Variants in ZFHX3 observed in about 807,000 individuals in gnomAD.
The protein encoded by ZFHX3 is zinc finger homeobox protein 3.
A neutral mutation model predicts 279.1 loss-of-function variants in ZFHX3; 42 were observed. The ratio of observed to expected loss-of-function variants is 0.15; its 90% CI spans 0.12 to 0.19. The LOEUF (loss-of-function observed/expected upper bound fraction) is 0.19. ZFHX3 is among the 10% of genes least tolerant of loss of function. The pLI is 1.00. For missense variants in ZFHX3, 4,981 were observed against 4,754.0 expected (o/e 1.05, Z -1.40); for synonymous variants, 2,293 against 1,957.8 (o/e 1.17, Z -4.52).
intron 4 of ZFHX3, among the ~76,000 whole-genome samples, chr16:73,304,292 A>T (rs1380272099): frequency 6.6e-6 from 1 of 152,192 alleles, no homozygotes; most frequent in African/African-American, 2.4e-5. Flanking sequence ...CACAGGGGTC[A>T]TGGGAAAAGA....
At position 73,298,426 on chromosome 16, in the gene ZFHX3, C is replaced by T. The variant is rs569744895; in HGVS notation, c.-1194+19814G>A. ...CTCGAACTCCCGACCTCAGGTGCTC[C>T]GCCTACCTCAGCCTCCCAAAGTACT... On this transcript the variant is annotated intron_variant, in intron 4 of 17. Coordinates refer to the ZFHX3 transcript ENST00000641206. Among the ~76,000 whole-genome samples, 11 of 151,866 alleles carry T rather than the reference C, an allele frequency of 7.2e-5. No individual in the cohort carries two copies. The South Asian group carries it at 1.3e-3, about 17-fold the overall frequency.
At position 73,105,432 on chromosome 16, in the gene ZFHX3, T is replaced by C. The variant is rs58613336; in HGVS notation, c.-896-11834A>G. On this transcript the variant is annotated intron_variant, in intron 7 of 17. Coordinates refer to the ZFHX3 transcript ENST00000641206. Reference sequence around the variant, plus strand: ...ATACACACACACATATATATATATATACACACACACACATATATATATATA... The same window carrying C: ...ATACACACACACATATATATATATACACACACACACACATATATATATATA... Among the ~76,000 whole-genome samples the C allele has an allele frequency of 5.2e-4, 61 of 117,044 alleles. 2 individuals carry two copies. The highest frequency in any genetic ancestry group is 2.0e-3 in the African/African-American group (45 of 23,014). The allele number at this position is 117,044 out of a possible 152,430, so 76.8% of individuals were successfully genotyped here. A position where few individuals can be genotyped will look rare whatever the true frequency, so the allele number is the denominator to read the frequency against.
intron 1 of ZFHX3, among the ~76,000 whole-genome samples, chr16:73,750,494 A>G (rs1254273614): frequency 2.6e-5 from 4 of 151,958 alleles, no homozygotes; most frequent in African/African-American, 7.3e-5. Context: ...GATCTTAGTA[A>G]CAGATGTCAA....
At chr16:73,528,908 A>G (rs2019742810) in intron 2 of ZFHX3, among the ~76,000 whole-genome samples, 1 of 152,218 alleles carries the variant, frequency 6.6e-6, no homozygotes, top group Admixed American at 6.5e-5. Context: ...GATGCAGGAC[A>G]GGCATCTGGC....
chr16:73,602,730 A>T (rs1009122371), intron 2 of ZFHX3, among the ~76,000 whole-genome samples: 2 of 151,938 alleles, frequency 1.3e-5, no homozygotes, highest in African/African-American at 4.8e-5. Flanking sequence ...GCAGATCACG[A>T]GGTCAGGAGT....
chr16:73,486,245 C>T (rs965208780), intron 2 of ZFHX3, among the ~76,000 whole-genome samples: 1 of 152,210 alleles, frequency 6.6e-6, no homozygotes, highest in Non-Finnish European at 1.5e-5. Flanking sequence ...GACTTTGTAA[C>T]TTTACTTCAT....
rs528547878 is a variant in ZFHX3, at chr16:73,031,289, A to C, written c.-50+16463T>G. Among the ~76,000 whole-genome samples the C allele has an allele frequency of 2.1e-4, 32 of 152,358 alleles. No homozygotes were observed. In the South Asian group the frequency reaches 3.1e-3, roughly 15 times the overall value. ...AAAAAAGCCTGGCGGCGGGGGGGGA[A>C]GTAAACATTCACACTTCACCAAACC... On this transcript the variant is annotated intron_variant, in intron 1 of 9. Transcript: ENST00000268489.
intron 5 of ZFHX3, among the ~76,000 whole-genome samples, chr16:73,146,048 A>G (rs1351078218): frequency 6.6e-6 from 1 of 152,238 alleles, no homozygotes; most frequent in Non-Finnish European, 1.5e-5. Flanking sequence ...AAACGAGGTT[A>G]CAAAACTGGA....
chr16:73,476,376 G>A (rs148993113), intron 2 of ZFHX3, among the ~76,000 whole-genome samples: 143 of 152,240 alleles, frequency 9.4e-4, no homozygotes, highest in African/African-American at 3.2e-3. Flanking sequence ...ACTGCAGAAC[G>A]TGTAGGTTGA....
chr16:73,184,773 A>G (rs1313230158), intron 5 of ZFHX3, among the ~76,000 whole-genome samples: 1 of 152,216 alleles, frequency 6.6e-6, no homozygotes, highest in East Asian at 1.9e-4. Context: ...ATTTGGGAGA[A>G]AAAAAATGTC....
At chr16:73,871,521 T>C (rs1331690476) in intron 1 of ZFHX3, among the ~76,000 whole-genome samples, 1 of 151,822 alleles carries the variant, frequency 6.6e-6, no homozygotes. Flanking sequence ...AGAGTGTGTG[T>C]GCTTATGACT....
chr16:72,889,432 T>A (rs564550675), intron 4 of ZFHX3, among the ~76,000 whole-genome samples: 1 of 150,518 alleles, frequency 6.6e-6, no homozygotes, highest in South Asian at 2.1e-4. Flanking sequence ...GGGTAGTAGC[T>A]TGTGACTTCC....
At chr16:73,679,988 G>C (rs1485588006) in intron 2 of ZFHX3, 1 of 152,142 alleles carries the variant, frequency 6.6e-6, no homozygotes, top group Non-Finnish European at 1.5e-5. Flanking sequence ...ATGCCAGAAA[G>C]ATACATAGGC....
At chr16:73,495,592 G>A (rs974567751) in intron 2 of ZFHX3, among the ~76,000 whole-genome samples, 5 of 152,178 alleles carry the variant, frequency 3.3e-5, no homozygotes, top group African/African-American at 7.2e-5. Flanking sequence ...TTTGGCCCTT[G>A]AAAATGGCAG....
chr16:72,949,965 G>C (rs566063781), intron 3 of ZFHX3, among the ~76,000 whole-genome samples: 1 of 128,966 alleles, frequency 7.8e-6, no homozygotes, highest in South Asian at 2.3e-4. Flanking sequence ...CAAATGCCCA[G>C]AACAGTACCT....
chr16:73,518,898 A>C (rs2019567305), intron 2 of ZFHX3, among the ~76,000 whole-genome samples: 1 of 152,218 alleles, frequency 6.6e-6, no homozygotes, highest in African/African-American at 2.4e-5. Flanking sequence ...CCATGGAATG[A>C]AAAGCACCAA....
chr16:73,083,655 G>A (rs1200931763), intron 8 of ZFHX3, among the ~76,000 whole-genome samples: 2 of 152,096 alleles, frequency 1.3e-5, no homozygotes, highest in Non-Finnish European at 2.9e-5. Flanking sequence ...TCAGCCTTCT[G>A]AGTACCTGGG....
chr16:73,715,717 G>A (rs958172424), intron 1 of ZFHX3, among the ~76,000 whole-genome samples: 1 of 151,804 alleles, frequency 6.6e-6, no homozygotes, highest in African/African-American at 2.4e-5. Flanking sequence ...GATTACAGGT[G>A]CCCGCCACCA....
chr16:73,073,160 G>A (rs1306138797), intron 8 of ZFHX3, among the ~76,000 whole-genome samples: 1 of 152,160 alleles, frequency 6.6e-6, no homozygotes, highest in East Asian at 1.9e-4. Flanking sequence ...GCCTCCCAAA[G>A]TGCTAGGATT....
Sources: allele counts gnomAD v4.1 joint callset (sites outside exome capture counted in the v4.1 genomes callset), GRCh38; gene constraint gnomAD v4.1.1; transcripts MANE v1.5; gene names NCBI Gene and HGNC (gene_info 2026-07-23, HGNC 2026-07-21).